Variants in ZNF804B observed in about 807,000 individuals in gnomAD.
ZNF804B encodes zinc finger protein 804B, also known as zinc finger 804B.
A neutral mutation model predicts 101.4 loss-of-function variants in ZNF804B; 80 were observed. The observed-to-expected ratio is 0.79, with a 90% CI of 0.66 to 0.95. ZNF804B has a LOEUF of 0.95. Ranked by LOEUF, ZNF804B falls within the 40% of genes least tolerant of loss-of-function variation. The pLI is 0.00. For synonymous variants in ZNF804B, 622 were observed against 558.8 expected, an observed-to-expected ratio of 1.11 and a Z score of -1.59; for missense variants, 1,673 against 1,561.9, an observed-to-expected ratio of 1.07 and a Z score of -1.20.
intron 1 of ZNF804B, among the ~76,000 whole-genome samples, chr7:89,076,743 A>C (rs909867824): frequency 6.6e-6 from 1 of 152,224 alleles, no homozygotes; most frequent in African/African-American, 2.4e-5. Context: ...TACCAGAACT[A>C]TTGTTAAAAA....
intron 2 of ZNF804B, among the ~76,000 whole-genome samples, chr7:89,271,700 G>C (rs1477720457): frequency 3.9e-5 from 6 of 152,002 alleles, no homozygotes; most frequent in African/African-American, 1.4e-4. Context: ...GTCTGGTCCT[G>C]GACTTTTTTT....
chr7:89,097,433 T>C (rs1789986414), intron 1 of ZNF804B, among the ~76,000 whole-genome samples: 1 of 152,172 alleles, frequency 6.6e-6, no homozygotes, highest in Non-Finnish European at 1.5e-5. Context: ...TGAAAACTGA[T>C]TCAAGGAGAA....
intron 2 of ZNF804B, among the ~76,000 whole-genome samples, chr7:89,242,424 A>C (rs1319993052): frequency 6.6e-6 from 1 of 151,882 alleles, no homozygotes; most frequent in Non-Finnish European, 1.5e-5. Context: ...CAACCTAATA[A>C]ATAGTTATGG....
rs969691940 is a variant in ZNF804B, at chr7:89,068,494, T to C, written c.109-149661T>C. On this transcript the variant is annotated intron_variant, in intron 1 of 3. Coordinates refer to ENST00000333190, the MANE Select transcript of ZNF804B (RefSeq NM_181646.5). The stretch of plus-strand genomic sequence containing the variant: ...GTAAATATGATCACAATGTTTAATG[T>C]ATTACTAAAAAGAAACACATGATGT... Among the ~76,000 whole-genome samples, 11 of 152,140 alleles carry C rather than the reference T, an allele frequency of 7.2e-5. 1 individual carries two copies. Among genetic ancestry groups the C allele is most frequent in the African/African-American group, 2.7e-4 (11 of 41,440 alleles).
At chr7:89,322,744 G>T (rs1327458105) in intron 2 of ZNF804B, among the ~76,000 whole-genome samples, 1 of 152,130 alleles carries the variant, frequency 6.6e-6, no homozygotes, top group African/African-American at 2.4e-5. Context: ...AATCTATTTT[G>T]TCTTATATAT....
At chr7:89,249,243 C>A (rs1789503888) in intron 2 of ZNF804B, among the ~76,000 whole-genome samples, 1 of 152,000 alleles carries the variant, frequency 6.6e-6, no homozygotes. Flanking sequence ...AAGGAACTAA[C>A]AAATTCTCAG....
rs114789722 is a variant in ZNF804B at position 89,333,727 on chromosome 7, A to T, written c.745A>T (p.Asn249Tyr). The T allele has an allele frequency of 1.6e-4, 261 of 1,613,606 alleles. 2 individuals carry two copies. The African/African-American group carries it at 3.3e-3, about 20-fold the overall frequency. ...SENTEETHDC[N>Y]KSPIYKTKQT... Reference sequence around the variant, plus strand: ...GAACACAGAAGAAACCCATGATTGTAACAAGTCACCCATTTATAAAACAAA... The same window carrying T: ...GAACACAGAAGAAACCCATGATTGTTACAAGTCACCCATTTATAAAACAAA... Residue 249 changes from asparagine (N) to tyrosine (Y), a missense_variant, in exon 4 of 4, where the codon AAC (asparagine) becomes TAC (tyrosine). Transcript: ENST00000333190.
chr7:88,898,465 T>G (rs2115946765), intron 1 of ZNF804B, among the ~76,000 whole-genome samples: 1 of 152,080 alleles, frequency 6.6e-6, no homozygotes, highest in South Asian at 2.1e-4. Flanking sequence ...AGATACTTTG[T>G]TATCCATGAC....
Position 89,335,979 on chromosome 7 carries a change from G to T in ZNF804B, c.2997G>T (p.Arg999Ser), listed in dbSNP as rs78512598. The T allele has an allele frequency of 7.4e-4, 1,199 of 1,613,914 alleles. 7 individuals are homozygous for T. In the African/African-American group the frequency reaches 0.012, roughly 17 times the overall value. ...SRNDQDSAIP[R>S]TTEKDKSKSS... ...ATGATCAAGACAGTGCAATTCCAAG[G>T]ACTACGGAGAAAGACAAAAGCAAAA... is the stretch of plus-strand genomic sequence containing the variant. Residue 999 changes from arginine (R) to serine (S), a missense_variant, in exon 4 of 4, where the codon AGG becomes AGT. Arg to Ser is a moderately radical substitution (Grantham distance 110, BLOSUM62 -1). Coordinates refer to ENST00000333190, the MANE Select transcript of ZNF804B (RefSeq NM_181646.5).
chr7:88,817,067 T>A (rs1790891327), intron 1 of ZNF804B, among the ~76,000 whole-genome samples: 2 of 151,928 alleles, frequency 1.3e-5, no homozygotes, highest in Non-Finnish European at 2.9e-5. Flanking sequence ...AAATGATGAG[T>A]TCATGTCCTT....
At chr7:88,780,053 T>C (rs1279722151) in intron 1 of ZNF804B, among the ~76,000 whole-genome samples, 3 of 152,090 alleles carry the variant, frequency 2.0e-5, no homozygotes, top group African/African-American at 7.2e-5. Flanking sequence ...AATTAAAAGA[T>C]AAAACTTATA....
chr7:89,233,557 A>G (rs1335544772), intron 2 of ZNF804B, among the ~76,000 whole-genome samples: 1 of 152,246 alleles, frequency 6.6e-6, no homozygotes, highest in African/African-American at 2.4e-5. Context: ...TGAAGGCCAA[A>G]TAAGCCTACC....
At chr7:88,943,330 A>G (rs1316772526) in intron 1 of ZNF804B, among the ~76,000 whole-genome samples, 2 of 151,916 alleles carry the variant, frequency 1.3e-5, no homozygotes, top group Non-Finnish European at 2.9e-5. Flanking sequence ...CTACAGGAGT[A>G]TGATTACCAG....
At chr7:89,318,368 T>G (rs1318131426) in intron 2 of ZNF804B, among the ~76,000 whole-genome samples, 2 of 152,192 alleles carry the variant, frequency 1.3e-5, no homozygotes, top group Non-Finnish European at 2.9e-5. Context: ...TAACTTCTAA[T>G]AGTGATCATG....
At chr7:89,317,092 A>C in intron 2 of ZNF804B, among the ~76,000 whole-genome samples, 1 of 152,330 alleles carries the variant, frequency 6.6e-6, no homozygotes, top group South Asian at 2.1e-4. Context: ...ACAGAGACTA[A>C]GACTAAGGCT....
At chr7:89,163,243 A>G (rs1791095027) in intron 1 of ZNF804B, among the ~76,000 whole-genome samples, 1 of 152,138 alleles carries the variant, frequency 6.6e-6, no homozygotes, top group Non-Finnish European at 1.5e-5. Flanking sequence ...AAAACCACGG[A>G]TTTTGTACCT....
intron 1 of ZNF804B, among the ~76,000 whole-genome samples, chr7:89,182,615 C>T (rs1249098451): frequency 6.6e-6 from 1 of 152,086 alleles, no homozygotes; most frequent in Non-Finnish European, 1.5e-5. Context: ...GCCCATTACT[C>T]CAGAGAACTC....
At position 88,936,520 on chromosome 7, in the gene ZNF804B, G is replaced by A. The variant is rs1178514421; in HGVS notation, c.108+176436G>A. On this transcript the variant is annotated intron_variant, in intron 1 of 3. Transcript: ENST00000333190. ...AAATGGGGGATGTAGGCAATTGAGA[G>A]GGGTAGTAAATGACCTTTAGGAGAA... 2.6e-5 allele frequency among the ~76,000 whole-genome samples: 4 copies of A among 152,022 alleles called. No homozygotes were observed. In the East Asian group the frequency reaches 7.7e-4, roughly 29 times the overall value.
chr7:89,237,616 G>A (rs1038647239), intron 2 of ZNF804B, among the ~76,000 whole-genome samples: 1 of 152,192 alleles, frequency 6.6e-6, no homozygotes, highest in Non-Finnish European at 1.5e-5. Context: ...GTACAGTTCA[G>A]AGAAGCTGTA....
Sources: allele counts gnomAD v4.1 joint callset (sites outside exome capture counted in the v4.1 genomes callset), GRCh38; gene constraint gnomAD v4.1.1; transcripts MANE v1.5; gene names NCBI Gene and HGNC (gene_info 2026-07-23, HGNC 2026-07-21).